HENMT1: variants seen among roughly 807,000 people sequenced by gnomAD.
HENMT1 encodes HEN methyltransferase 1.
A neutral mutation model predicts 31.1 loss-of-function variants in HENMT1; 27 were observed. That is an observed-to-expected ratio of 0.87 (90% CI 0.64 to 1.20). The LOEUF (loss-of-function observed/expected upper bound fraction) is 1.20, where lower values mean the gene tolerates loss of function less well. HENMT1 is among the 50% of genes most tolerant of loss of function. The pLI is 0.00. For synonymous variants in HENMT1, 167 were observed against 172.2 expected, an observed-to-expected ratio of 0.97 and a Z score of 0.24; for missense variants, 438 against 469.6, an observed-to-expected ratio of 0.93 and a Z score of 0.62.
At chr1:108,655,837 G>T in intron 3 of HENMT1, 139 bp from the exon 4 acceptor site, 501 of 320,544 alleles carry the variant, frequency 1.6e-3, no homozygotes, top group Middle Eastern at 3.7e-3. Context: ...GATCTTTTTG[G>T]CAGAAGATGC....
intron 4 of HENMT1, 98 bp downstream of exon 4, chr1:108,655,488 A>G: frequency 1.5e-6 from 1 of 668,100 alleles, no homozygotes; most frequent in Admixed American, 3.4e-5. Flanking sequence ...TAATGGCCCC[A>G]ATCTTTTAAA....
Position 108,648,974 on chromosome 1 carries a change from G to GT in HENMT1, c.773dup (p.Tyr258Ter), listed in dbSNP as rs1657964416. ...HVYKAVFTTSYPSLQQERFFK... is the reference protein window; with the variant it reads ...HVYKAVFTTS ...AGAACCTTTCCTGCTGTAAGCTTGG[G>GT]TATGAGGTGGTAAAAACCTGAAGGG... is the stretch of plus-strand genomic sequence containing the variant. Residue 258 changes from tyrosine to a stop codon, truncating the protein, a stop_gained and frameshift_variant, in exon 8 of 8, where the codon TAC (tyrosine) becomes TAAC (stop). Coordinates refer to ENST00000651461, the MANE Select transcript of HENMT1 (RefSeq NM_001102592.2). LOFTEE classifies it low-confidence loss of function (END_TRUNC). 4 of 1,591,078 alleles carry GT rather than the reference G, an allele frequency of 2.5e-6. No individual in the cohort carries two copies. The highest frequency in any genetic ancestry group is 3.4e-6 in the Non-Finnish European group (4 of 1,168,112).
In HENMT1 at chr1:108,648,574, C is replaced by G; in HGVS notation, c.1174G>C (p.Glu392Gln). The change falls in exon 8 of 8, where the codon GAG (glutamate) becomes CAG (glutamine). Residue 392 changes from glutamate to glutamine, a missense_variant. Coordinates refer to ENST00000651461, the MANE Select transcript of HENMT1 (RefSeq NM_001102592.2). Reference sequence around the variant, plus strand: ...CAGGAAATAAACATGGTTCAAAACTCAAACTGTTCATCAAAATAATTACGC... The same window carrying G: ...CAGGAAATAAACATGGTTCAAAACTGAAACTGTTCATCAAAATAATTACGC... Reference protein sequence around the residue: ...DLRNYFDEQFEF With the variant: ...DLRNYFDEQFQF 1 of 1,611,888 alleles carries G rather than the reference C, an allele frequency of 6.2e-7. No homozygotes were observed. Among genetic ancestry groups the G allele is most frequent in the Non-Finnish European group, 8.5e-7 (1 of 1,178,122 alleles).
chr1:108,660,244 G>A (rs1658408556), intron 1 of HENMT1, among the ~76,000 whole-genome samples: 1 of 151,884 alleles, frequency 6.6e-6, no homozygotes, highest in Non-Finnish European at 1.5e-5. Context: ...TCCACAGAAT[G>A]TATCCAGTAT....
chr1:108,648,595 T>TAC lies in HENMT1; in HGVS notation c.1151_1152dup (p.Asn385ValfsTer24), dbSNP rs770333375. ...AACTCAAACTGTTCATCAAAATAATTACGCAGGTCAGCCACCACTGCAGAA... is the reference window on the plus strand; with the variant it reads ...AACTCAAACTGTTCATCAAAATAATTACACGCAGGTCAGCCACCACTGCAGAA... On this transcript the variant is annotated frameshift_variant, in exon 8 of 8. Coordinates refer to ENST00000651461, the MANE Select transcript of HENMT1 (RefSeq NM_001102592.2). LOFTEE classifies it low-confidence loss of function (END_TRUNC). 6.2e-6 allele frequency: 10 copies of TAC among 1,613,570 alleles called. No individual in the cohort carries two copies. Among genetic ancestry groups the TAC allele is most frequent in the Non-Finnish European group, 8.5e-6 (10 of 1,179,618 alleles).
intron 3 of HENMT1, among the ~76,000 whole-genome samples, chr1:108,656,014 TAC>T (rs750084783): frequency 6.6e-5 from 10 of 152,178 alleles, no homozygotes; most frequent in African/African-American, 1.4e-4. Context: ...AACAATTACG[TAC>T]ACACAGTTTT....
chr1:108,651,444 A>C (rs1308094632), intron 5 of HENMT1: 1 of 431,342 alleles, frequency 2.3e-6, no homozygotes, highest in Non-Finnish European at 4.1e-6. Context: ...CAAGAGTTAA[A>C]GACCAGCCCG....
At chr1:108,650,014 CA>C in intron 7 of HENMT1, 196 bp downstream of exon 7, 1 of 681,152 alleles carries the variant, frequency 1.5e-6, no homozygotes, top group Non-Finnish European at 2.7e-6. Flanking sequence ...CTTGAAACAC[CA>C]AAAGGCCAGG....
rs1658448968 is a variant in HENMT1 at position 108,660,991 on chromosome 1, G to A, written c.-107C>T. The A allele has an allele frequency of 2.0e-6, 2 of 985,234 alleles. No individual in the cohort carries two copies. The highest frequency in any genetic ancestry group is 2.4e-6 in the Non-Finnish European group (2 of 829,786). The allele number at this position is 985,234 out of a possible 1,614,324, so 61.0% of individuals were successfully genotyped here. ...AACCAACGCTTCTGTCTTTGTACGG[G>A]CCGTCGCTTCCATCATCCTGCGGTA... On this transcript the variant is annotated 5_prime_UTR_variant, in exon 1 of 8. Coordinates refer to ENST00000651461, the MANE Select transcript of HENMT1 (RefSeq NM_001102592.2).
chr1:108,651,170 AG>A lies in HENMT1; in HGVS notation c.437del (p.Pro146LeufsTer12). The A allele has an allele frequency of 6.2e-7, 1 of 1,614,128 alleles. No individual in the cohort carries two copies. Among genetic ancestry groups the A allele is most frequent in the African/African-American group, 1.3e-5 (1 of 75,066 alleles). Reference protein sequence around the residue: ...HLDSGDLARFPEVVFGYLSPS... With the variant: ...HLDSGDLARFXEVVFGYLSPS... ...GAGACAGGTACCCAAATACCACTTC[AG>A]GAAATCTGGCCAGATCACCTGAATC... On this transcript the variant is annotated frameshift_variant, in exon 6 of 8. Transcript: ENST00000651461. LOFTEE classifies it high-confidence loss of function.
intron 7 of HENMT1, chr1:108,649,278 CAA>C (rs914564565): frequency 7.8e-6 from 4 of 510,974 alleles, no homozygotes; most frequent in African/African-American, 2.0e-5. Flanking sequence ...GGGGCAAGGG[CAA>C]AAAAAAATGA....
chr1:108,650,088 A>G, intron 7 of HENMT1, 123 bp downstream of exon 7: 1 of 866,846 alleles, frequency 1.2e-6, no homozygotes, highest in Non-Finnish European at 1.9e-6. Flanking sequence ...GAATTCTCCT[A>G]GAGTGAACCA....
chr1:108,654,580 TA>T, intron 5 of HENMT1, 135 bp downstream of exon 5: 1 of 815,530 alleles, frequency 1.2e-6, no homozygotes, highest in Non-Finnish European at 1.9e-6. Flanking sequence ...AAAAGCAGAG[TA>T]AAAAGATATT....
intron 4 of HENMT1, among the ~76,000 whole-genome samples, 195 bp from the exon 5 acceptor site, chr1:108,655,045 C>A (rs1438181859): frequency 6.6e-6 from 1 of 151,610 alleles, no homozygotes; most frequent in African/African-American, 2.4e-5. Flanking sequence ...AGTTACTGGC[C>A]AATGAAAAAA....
At position 108,648,531 on chromosome 1, in the gene HENMT1, G is replaced by T; in HGVS notation, c.*35C>A. ...TAAATTCTAAGTGAGCACAACTATCGCTGAGACCCTGAAATTTCAGGAAAT... is the reference window on the plus strand; with the variant it reads ...TAAATTCTAAGTGAGCACAACTATCTCTGAGACCCTGAAATTTCAGGAAAT... On this transcript the variant is annotated 3_prime_UTR_variant, in exon 8 of 8. Coordinates refer to ENST00000651461, the MANE Select transcript of HENMT1 (RefSeq NM_001102592.2). The T allele has an allele frequency of 1.3e-6, 2 of 1,568,780 alleles. No homozygotes were observed. The highest frequency in any genetic ancestry group is 1.7e-6 in the Non-Finnish European group (2 of 1,144,432).
rs1658280770 is a variant in HENMT1, at chr1:108,657,491, T to C, written c.110A>G (p.Gln37Arg). Residue 37 changes from glutamine (Q) to arginine (R), a missense_variant, in exon 3 of 8, where the codon CAG (glutamine) becomes CGG (arginine). By Grantham distance (43) the Gln-to-Arg change is conservative. Coordinates refer to ENST00000651461, the MANE Select transcript of HENMT1 (RefSeq NM_001102592.2). ...TTGATCCACTAAATTTTTAACGAAC[T>C]GGTACCGCTGTCTGTATAGTGGAGG... The part of the protein sequence containing the change: ...FKPPLYRQRY[Q>R]FVKNLVDQHE... 1 of 1,609,730 alleles carries C rather than the reference T, an allele frequency of 6.2e-7. No individual in the cohort carries two copies. The highest frequency in any genetic ancestry group is 1.7e-5 in the Admixed American group (1 of 59,688).
intron 7 of HENMT1, chr1:108,649,449 C>CA (rs760507379): frequency 6.9e-6 from 3 of 437,698 alleles, no homozygotes; most frequent in South Asian, 1.6e-5. Flanking sequence ...GAAAAAAAAA[C>CA]AAAAAACAAA....
chr1:108,649,439 GAAAA>G, intron 7 of HENMT1: 1 of 412,240 alleles, frequency 2.4e-6, no homozygotes, highest in Non-Finnish European at 4.8e-6. Context: ...TGTCTCTACG[GAAAA>G]AAAAACAAAA....
chr1:108,660,393 T>C (rs1346341126), intron 1 of HENMT1, among the ~76,000 whole-genome samples: 4 of 152,172 alleles, frequency 2.6e-5, no homozygotes, highest in Non-Finnish European at 5.9e-5. Flanking sequence ...TCTTAGGAGT[T>C]CTGCCCATTT....
Sources: allele counts gnomAD v4.1 joint callset (sites outside exome capture counted in the v4.1 genomes callset), GRCh38; gene constraint gnomAD v4.1.1; transcripts MANE v1.5; gene names NCBI Gene and HGNC (gene_info 2026-07-23, HGNC 2026-07-21).